The following GALK2 variants were observed in gnomAD, a reference collection of about 807,000 sequenced individuals.
GALK2 encodes galactokinase 2.
A neutral mutation model predicts 52.4 loss-of-function variants in GALK2; 36 were observed. That is an observed-to-expected ratio of 0.69 (90% CI 0.53 to 0.91). GALK2 has a LOEUF of 0.91. Among genes scored for constraint, GALK2 ranks in the 40% least tolerant of loss-of-function variants. The pLI is 0.00. For synonymous variants in GALK2, 176 were observed against 199.1 expected (o/e 0.88, Z 0.98); for missense variants, 579 against 559.1 (o/e 1.04, Z -0.36).
At chr15:49,257,272 T>C (rs2091852840) in intron 5 of GALK2, among the ~76,000 whole-genome samples, 6 of 152,194 alleles carry the variant, frequency 3.9e-5, no homozygotes, top group African/African-American at 1.4e-4. Context: ...GTTGTCATAG[T>C]AACAGTTCTA....
chr15:49,319,864 GA>G (rs1426363356), intron 9 of GALK2, 59 bp downstream of exon 9: 7 of 1,415,430 alleles, frequency 4.9e-6, no homozygotes, highest in Middle Eastern at 2.4e-4. Context: ...TAAATTAATG[GA>G]AAAAAATGCA....
intron 3 of GALK2, chr15:49,344,288 CA>C (rs1375257248): frequency 6.6e-6 from 1 of 152,110 alleles, no homozygotes; most frequent in Non-Finnish European, 1.5e-5. Context: ...CATACAAATA[CA>C]TATTTTACAA....
intron 1 of GALK2, among the ~76,000 whole-genome samples, chr15:49,198,438 A>AT (rs1324127439): frequency 1.3e-5 from 2 of 152,152 alleles, no homozygotes; most frequent in African/African-American, 4.8e-5. Context: ...CAACAAATCT[A>AT]TGGGATACAT....
At chr15:49,299,489 T>C (rs924374546) in intron 8 of GALK2, among the ~76,000 whole-genome samples, 4 of 152,116 alleles carry the variant, frequency 2.6e-5, no homozygotes, top group African/African-American at 7.2e-5. Context: ...GGTTATTAAT[T>C]TGAGATCTTT....
Position 49,346,711 on chromosome 15 carries a change from G to A in GALK2, c.427-20780G>A, listed in dbSNP as rs746585146. Among the ~76,000 whole-genome samples, 7 of 152,192 alleles carry A rather than the reference G, an allele frequency of 4.6e-5. No homozygotes were observed. The East Asian group carries it at 7.7e-4, about 17-fold the overall frequency. On this transcript the variant is annotated intron_variant, in intron 3 of 3. Coordinates refer to the GALK2 transcript ENST00000558399. The stretch of plus-strand genomic sequence containing the variant: ...TTTCTGAGCATCTCAGGCTTAAGGC[G>A]AAAGTGCCCATTATACACATAATGC...
At chr15:49,271,160 C>G (rs573104450) in intron 5 of GALK2, among the ~76,000 whole-genome samples, 1 of 152,308 alleles carries the variant, frequency 6.6e-6, no homozygotes, top group African/African-American at 2.4e-5. Context: ...AAAGGAGTGA[C>G]ACCAGCCTTT....
chr15:49,349,307 TTCATTTTC>T (rs1291293735), intron 3 of GALK2, among the ~76,000 whole-genome samples: 26 of 152,142 alleles, frequency 1.7e-4, no homozygotes, highest in Admixed American at 8.5e-4. Context: ...AATTATTAAT[TTCATTTTC>T]ATTTTAAAAC....
At chr15:49,210,298 C>T (rs1233433863) in intron 2 of GALK2, among the ~76,000 whole-genome samples, 2 of 151,716 alleles carry the variant, frequency 1.3e-5, no homozygotes, top group Non-Finnish European at 2.9e-5. Flanking sequence ...AAATTTACTT[C>T]TGCTCTGATC....
In GALK2 at chr15:49,170,290, G is replaced by C; in HGVS notation, c.-33G>C. 6.4e-7 allele frequency: 1 copy of C among 1,565,926 alleles called. No homozygotes were observed. Among genetic ancestry groups the C allele is most frequent in the Non-Finnish European group, 8.7e-7 (1 of 1,154,882 alleles). Reference sequence around the variant, plus strand: ...CTCTGGGAGCTTTGCTTAGACACTTGAAACTACAGGAGAAAGAAGGATCTA... The same window carrying C: ...CTCTGGGAGCTTTGCTTAGACACTTCAAACTACAGGAGAAAGAAGGATCTA... On this transcript the variant is annotated 5_prime_UTR_variant, in exon 1 of 10. Coordinates refer to ENST00000560031, the MANE Select transcript of GALK2 (RefSeq NM_002044.4).
At chr15:49,351,522 A>C (rs934209485) in intron 3 of GALK2, among the ~76,000 whole-genome samples, 2 of 152,222 alleles carry the variant, frequency 1.3e-5, no homozygotes, top group African/African-American at 2.4e-5. Context: ...CTACAAGAAA[A>C]GTAGTGAGCA....
intron 9 of GALK2, among the ~76,000 whole-genome samples, chr15:49,324,369 A>G (rs892825937): frequency 3.1e-5 from 4 of 127,648 alleles, no homozygotes; most frequent in South Asian, 2.4e-4. Context: ...CTCTTTCCCC[A>G]TGACCTTAAG....
At chr15:49,228,688 T>TATATATATATATGTA in intron 3 of GALK2, among the ~76,000 whole-genome samples, 4 of 10,444 alleles carry the variant, frequency 3.8e-4, no homozygotes, top group African/African-American at 6.8e-4. Context: ...TATATATATA[T>TATATATATATATGTA]TTTTTTTTTT....
intron 2 of GALK2, among the ~76,000 whole-genome samples, chr15:49,213,873 G>A (rs1485567837): frequency 6.6e-6 from 1 of 151,922 alleles, no homozygotes; most frequent in Non-Finnish European, 1.5e-5. Context: ...ATCCCAGCAC[G>A]TTGGCAGGTG....
chr15:49,299,735 T>TTTCTTTCTTTC (rs1347140534), intron 8 of GALK2, among the ~76,000 whole-genome samples: 4 of 77,574 alleles, frequency 5.2e-5, no homozygotes, highest in African/African-American at 5.5e-5. Flanking sequence ...TCTTTCTTTC[T>TTTCTTTCTTTC]TTTCTTTCTT....
At chr15:49,283,822 T>A in intron 7 of GALK2, 104 bp downstream of exon 7, 1 of 1,141,394 alleles carries the variant, frequency 8.8e-7, no homozygotes, top group Non-Finnish European at 1.3e-6. Flanking sequence ...TAGGGCAACA[T>A]TCTGACTGCA....
chr15:49,347,230 T>C (rs574528420), intron 3 of GALK2, among the ~76,000 whole-genome samples: 94 of 152,324 alleles, frequency 6.2e-4, no homozygotes, highest in African/African-American at 2.2e-3. Context: ...GTATTAGGCA[T>C]GGAGACACAA....
At chr15:49,248,369 G>C (rs1167327172) in intron 5 of GALK2, among the ~76,000 whole-genome samples, 1 of 152,142 alleles carries the variant, frequency 6.6e-6, no homozygotes, top group East Asian at 1.9e-4. Context: ...TCCATATAAT[G>C]GTTAAGGAAA....
At chr15:49,177,725 G>A in intron 1 of GALK2, 1 of 782,196 alleles carries the variant, frequency 1.3e-6, no homozygotes, top group Non-Finnish European at 1.9e-6. Context: ...GCAGATGTCA[G>A]CCCATGCATC....
chr15:49,277,119 C>T (rs1271852035), intron 5 of GALK2, among the ~76,000 whole-genome samples: 2 of 122,188 alleles, frequency 1.6e-5, no homozygotes, highest in Admixed American at 9.5e-5. Context: ...CCCGCCAACA[C>T]GCCCGGCTAA....
Sources: gnomAD v4.1 joint callset for allele counts (sites outside exome capture counted in the v4.1 genomes callset) on GRCh38, gnomAD v4.1.1 for gene constraint, MANE v1.5 for transcripts, NCBI Gene and HGNC (gene_info 2026-07-23, HGNC 2026-07-21) for gene names.